Variants in RAPGEFL1 observed in about 807,000 individuals in gnomAD.
RAPGEFL1 encodes the protein rap guanine nucleotide exchange factor-like 1.
A neutral mutation model predicts 64.4 loss-of-function variants in RAPGEFL1; 31 were observed. The ratio of observed to expected loss-of-function variants is 0.48; its 90% CI spans 0.36 to 0.65. The LOEUF is 0.65. Among genes scored for constraint, RAPGEFL1 ranks in the 30% least tolerant of loss-of-function variants. RAPGEFL1 has a pLI of 0.00. For missense variants in RAPGEFL1, 682 were observed against 677.4 expected, an observed-to-expected ratio of 1.01 and a Z score of -0.08; for synonymous variants, 331 against 274.1, an observed-to-expected ratio of 1.21 and a Z score of -2.05.
intron 1 of RAPGEFL1, among the ~76,000 whole-genome samples, chr17:40,178,623 CT>C (rs960382527): frequency 4.6e-5 from 7 of 152,238 alleles, no homozygotes; most frequent in Non-Finnish European, 1.0e-4. Flanking sequence ...TCTTACTCTC[CT>C]TCAGCCACCC....
chr17:40,184,200 A>C lies in RAPGEFL1; in HGVS notation c.600-14A>C. 6.3e-7 allele frequency: 1 copy of C among 1,583,850 alleles called. No individual in the cohort carries two copies. The highest frequency in any genetic ancestry group is 8.7e-7 in the Non-Finnish European group (1 of 1,153,112). Reference sequence around the variant, plus strand: ...GTCTGCTTGCGTAGGGATTTTTCTTAACTTAAGGGTCAGCTTTGTTCGGGC... The same window carrying C: ...GTCTGCTTGCGTAGGGATTTTTCTTCACTTAAGGGTCAGCTTTGTTCGGGC... On this transcript the variant is annotated splice_polypyrimidine_tract_variant and intron_variant, in intron 2 of 14. Transcript: ENST00000620260.
chr17:40,181,217 C>T, intron 1 of RAPGEFL1: 1 of 433,182 alleles, frequency 2.3e-6, no homozygotes, highest in South Asian at 1.7e-5. Flanking sequence ...CATGCACACA[C>T]ACAGTCCCCA....
Position 40,193,030 on chromosome 17 carries a change from G to C in RAPGEFL1, c.1809+40G>C, listed in dbSNP as rs781648705. Reference sequence around the variant, plus strand: ...CTGCAAACCCCTAGTCCCACAAGTGGGGGGCTTGCATCCTCTCCCTCTCTC... The same window carrying C: ...CTGCAAACCCCTAGTCCCACAAGTGCGGGGCTTGCATCCTCTCCCTCTCTC... On this transcript the variant is annotated intron_variant, in intron 13 of 14. Transcript: ENST00000620260. 3 of 1,559,554 alleles carry C rather than the reference G, an allele frequency of 1.9e-6. No homozygotes were observed. The African/African-American group carries it at 4.1e-5, about 21-fold the overall frequency.
At chr17:40,186,387 T>G (rs1293884640) in intron 4 of RAPGEFL1, among the ~76,000 whole-genome samples, 21 of 138,372 alleles carry the variant, frequency 1.5e-4, no homozygotes, top group South Asian at 4.6e-4. Flanking sequence ...GCTAACAAGG[T>G]GAAACCCCGT....
At position 40,177,501 on chromosome 17, in the gene RAPGEFL1, C is replaced by CGCT. The variant is rs1989745823; in HGVS notation, c.-359_-358insTGC. ...CCCTCTTCACGGCCAGGAGCGCAGC[C>CGCT]GCCGCCGCCGCCGCCGCCGCGTCCT... is the stretch of plus-strand genomic sequence containing the variant. On this transcript the variant is annotated 5_prime_UTR_variant, in exon 1 of 15. Transcript: ENST00000620260. 1 of 423,042 alleles carries CGCT rather than the reference C, an allele frequency of 2.4e-6. No homozygotes were observed. The highest frequency in any genetic ancestry group is 4.3e-6 in the Non-Finnish European group (1 of 234,252). The allele number at this position is 423,042 out of a possible 1,614,324, so 26.2% of individuals were successfully genotyped here.
rs1389558398 is a variant in RAPGEFL1 at position 40,194,193 on chromosome 17, TC to T, written c.*407del. 1 of 216,282 alleles carries T rather than the reference TC, an allele frequency of 4.6e-6. No individual in the cohort carries two copies. The highest frequency in any genetic ancestry group is 9.3e-6 in the Non-Finnish European group (1 of 107,774). The allele number at this position is 216,282 out of a possible 1,614,324, so 13.4% of individuals were successfully genotyped here. On this transcript the variant is annotated 3_prime_UTR_variant, in exon 15 of 15. Transcript: ENST00000620260. ...CTTCTCCACCACCTGTCCAGCTTCTTCCTGGTCAGGGCTGGGACCCCCAGGA... is the reference window on the plus strand; with the variant it reads ...CTTCTCCACCACCTGTCCAGCTTCTTCTGGTCAGGGCTGGGACCCCCAGGA...
chr17:40,188,770 A>C (rs1990160900), intron 4 of RAPGEFL1, 96 bp from the exon 5 acceptor site: 2 of 956,116 alleles, frequency 2.1e-6, no homozygotes, highest in Non-Finnish European at 3.4e-6. Flanking sequence ...TGCATCCTTG[A>C]CCCAATTCTG....
intron 4 of RAPGEFL1, among the ~76,000 whole-genome samples, chr17:40,187,160 A>G (rs756094865): frequency 9.2e-5 from 14 of 152,040 alleles, no homozygotes; most frequent in Non-Finnish European, 1.9e-4. Flanking sequence ...ATATTTGTTT[A>G]TTTATATTTT....
intron 6 of RAPGEFL1, 102 bp from the exon 7 acceptor site, chr17:40,190,332 G>A: frequency 1.1e-6 from 1 of 875,404 alleles, no homozygotes; most frequent in Non-Finnish European, 1.9e-6. Context: ...TCTAGAATGT[G>A]TCAGTGTGGG....
chr17:40,184,701 C>T lies in RAPGEFL1; in HGVS notation c.833+23C>T, dbSNP rs372526733. ...AAAGTGAGGGGGAGTGGGGCAGGGG[C>T]GGGAACAGGAAAGTGGTCCCCTGCG... is the stretch of plus-strand genomic sequence containing the variant. On this transcript the variant is annotated intron_variant, in intron 4 of 14. Transcript: ENST00000620260. 4.0e-5 allele frequency: 58 copies of T among 1,435,540 alleles called. No individual in the cohort carries two copies. In the East Asian group the frequency reaches 9.8e-4, roughly 24 times the overall value. The allele number at this position is 1,435,540 out of a possible 1,614,324, so 88.9% of individuals were successfully genotyped here.
Position 40,191,781 on chromosome 17 carries a change from G to A in RAPGEFL1, c.1605+109G>A, listed in dbSNP as rs1990283037. ...CTGGAGGGAGTCTTTGCGCCAGTTGGAGGGAGGCGCCCTCTTCTGGCATAC... is the reference window on the plus strand; with the variant it reads ...CTGGAGGGAGTCTTTGCGCCAGTTGAAGGGAGGCGCCCTCTTCTGGCATAC... On this transcript the variant is annotated intron_variant, in intron 10 of 14. Transcript: ENST00000620260. This position sits in a 1 kb window ranked among gnomAD's most constrained non-coding sequence, Gnocchi z 5.1. 2.7e-6 allele frequency: 3 copies of A among 1,119,174 alleles called. No individual in the cohort carries two copies. The highest frequency in any genetic ancestry group is 4.3e-5 in the Admixed American group (2 of 46,834). 69.3% of individuals were successfully genotyped at this position (1,119,174 alleles called of 1,614,324 possible). A position where few individuals can be genotyped will look rare whatever the true frequency, so the allele number is the denominator to read the frequency against.
chr17:40,178,019 T>G lies in RAPGEFL1; in HGVS notation c.158T>G (p.Leu53Trp), dbSNP rs1260475620. 5.6e-6 allele frequency: 3 copies of G among 538,416 alleles called. No homozygotes were observed. The highest frequency in any genetic ancestry group is 9.7e-6 in the Non-Finnish European group (3 of 308,596). The allele number at this position is 538,416 out of a possible 1,614,324, so 33.4% of individuals were successfully genotyped here. A position where few individuals can be genotyped will look rare whatever the true frequency, so the allele number is the denominator to read the frequency against. The change falls in exon 1 of 15, where the codon TTG (leucine) becomes TGG (tryptophan). Residue 53 changes from leucine to tryptophan, a missense_variant. Transcript: ENST00000620260. ...GGTCCAGCCGGGGGACAGCGGTCGTTGCAGCGGCGTCAGAGCGTGTCTCGC... is the reference window on the plus strand; with the variant it reads ...GGTCCAGCCGGGGGACAGCGGTCGTGGCAGCGGCGTCAGAGCGTGTCTCGC... ...GGGPAGGQRSLQRRQSVSRLL... is the reference protein window; with the variant it reads ...GGGPAGGQRSWQRRQSVSRLL...
At chr17:40,183,865 A>G (rs1250641455) in intron 2 of RAPGEFL1, among the ~76,000 whole-genome samples, 6 of 57,538 alleles carry the variant, frequency 1.0e-4, no homozygotes, top group African/African-American at 4.4e-4. Context: ...TTTTTTTGAG[A>G]CAGAGTCATT....
rs367956536 is a variant in RAPGEFL1, at chr17:40,188,821, A to C, written c.834-45A>C. ...GTTGCCTGCTTGGTGTTGGTTGTCC[A>C]TATGCCTGGCAGGGCGTGCTGATGC... On this transcript the variant is annotated intron_variant, in intron 4 of 14. Transcript: ENST00000620260. 6.6e-6 allele frequency: 10 copies of C among 1,503,894 alleles called. No individual in the cohort carries two copies. In the East Asian group the frequency reaches 9.0e-5, roughly 14 times the overall value. 93.2% of individuals were successfully genotyped at this position (1,503,894 alleles called of 1,614,324 possible). A position where few individuals can be genotyped will look rare whatever the true frequency, so the allele number is the denominator to read the frequency against.
chr17:40,185,617 C>G (rs751601936), intron 4 of RAPGEFL1, among the ~76,000 whole-genome samples: 2 of 150,968 alleles, frequency 1.3e-5, no homozygotes, highest in Non-Finnish European at 2.9e-5. Flanking sequence ...AACCCTGTCT[C>G]TACTAAAAAT....
intron 1 of RAPGEFL1, among the ~76,000 whole-genome samples, 192 bp downstream of exon 1, chr17:40,178,573 C>T (rs888381541): frequency 2.0e-5 from 3 of 152,176 alleles, no homozygotes; most frequent in African/African-American, 7.2e-5. Context: ...ACCTTCCTCC[C>T]TACAGCAGCC....
rs1348801583 is a variant in RAPGEFL1 at position 40,188,964 on chromosome 17, G to A, written c.932G>A (p.Arg311Gln). The change falls in exon 5 of 15, where the codon CGG becomes CAG. Residue 311 changes from arginine to glutamine, a missense_variant. Arg to Gln is a conservative substitution (Grantham distance 43). Transcript: ENST00000620260. ...TGTCTGCAGACCCGGGTGGCCTTCC[G>A]GGGCTCTGATGAGAGTGAGTGTGGG... ...DSCLQTRVAFRGSDEIFCRVY... is the reference protein window; with the variant it reads ...DSCLQTRVAFQGSDEIFCRVY... The A allele has an allele frequency of 1.1e-5, 18 of 1,613,990 alleles. No homozygotes were observed. The highest frequency in any genetic ancestry group is 1.7e-5 in the Admixed American group (1 of 59,994).
rs1462002116 is a variant in RAPGEFL1 at position 40,194,276 on chromosome 17, T to C, written c.*488T>C. On this transcript the variant is annotated 3_prime_UTR_variant, in exon 15 of 15. Transcript: ENST00000620260. ...GTGTGTGTGTGTGTGTGTGTGTGTG[T>C]GTGTGTGTGTGTGTCTTCTTTTAGG... The C allele has an allele frequency of 5.9e-6, 1 of 169,350 alleles. No individual in the cohort carries two copies. The highest frequency in any genetic ancestry group is 2.5e-5 in the African/African-American group (1 of 40,748). 10.5% of individuals were successfully genotyped at this position (169,350 alleles called of 1,614,324 possible). A position where few individuals can be genotyped will look rare whatever the true frequency, so the allele number is the denominator to read the frequency against.
intron 6 of RAPGEFL1, among the ~76,000 whole-genome samples, chr17:40,189,659 G>A (rs1014863008): frequency 3.9e-5 from 6 of 152,096 alleles, no homozygotes; most frequent in East Asian, 3.9e-4. Context: ...AATAGGCACT[G>A]CGCCCTATCC....
Sources: allele counts gnomAD v4.1 joint callset (sites outside exome capture counted in the v4.1 genomes callset), GRCh38; gene constraint gnomAD v4.1.1; non-coding constraint Gnocchi (gnomAD v3.1); transcripts MANE v1.5; gene names NCBI Gene and HGNC (gene_info 2026-07-23, HGNC 2026-07-21).